MAP7D2: variants seen among roughly 807,000 people sequenced by gnomAD.
The protein encoded by MAP7D2 is MAP7 domain containing 2, also known as MAP7 domain-containing protein 2.
A neutral mutation model predicts 63.5 loss-of-function variants in MAP7D2; 33 were observed. The ratio of observed to expected loss-of-function variants is 0.52; its 90% CI spans 0.39 to 0.70. The LOEUF is 0.70. Among genes scored for constraint, MAP7D2 ranks in the 30% least tolerant of loss-of-function variants. The pLI, the probability that MAP7D2 is intolerant of heterozygous loss-of-function variation, is 0.00. For missense variants in MAP7D2, 626 were observed against 604.0 expected, an observed-to-expected ratio of 1.04 and a Z score of -0.38; for synonymous variants, 224 against 223.7, an observed-to-expected ratio of 1.00 and a Z score of -0.01.
chrX:20,036,903 C>CA (rs59036515), intron 8 of MAP7D2, among the ~76,000 whole-genome samples: 537 of 28,826 alleles, frequency 0.019, 7 homozygotes, highest in Non-Finnish European at 0.028. Flanking sequence ...GACTCCATCT[C>CA]AAAAAAAAAA....
intron 1 of MAP7D2, among the ~76,000 whole-genome samples, chrX:20,071,484 T>C (rs1362740496): frequency 2.7e-5 from 3 of 112,477 alleles, no homozygotes; most frequent in Non-Finnish European, 5.6e-5. Flanking sequence ...CTGCTGGACA[T>C]CACCTCCAGA....
chrX:20,106,561 T>C (rs187758291), intron 1 of MAP7D2, among the ~76,000 whole-genome samples: 32 of 112,148 alleles, frequency 2.9e-4, no homozygotes, highest in African/African-American at 1.0e-3. Flanking sequence ...CAAAACTCCC[T>C]GCGTGATGGA....
At chrX:20,029,296 A>G (rs943415806) in intron 8 of MAP7D2, among the ~76,000 whole-genome samples, 1 of 112,508 alleles carries the variant, frequency 8.9e-6, no homozygotes, top group African/African-American at 3.2e-5. Context: ...CTCAGCAGCC[A>G]TAGCCAGCAT....
At chrX:20,074,382 C>G (rs922548328) in intron 1 of MAP7D2, among the ~76,000 whole-genome samples, 5 of 111,582 alleles carry the variant, frequency 4.5e-5, no homozygotes, top group African/African-American at 1.6e-4. Flanking sequence ...AATAATAAAG[C>G]CTGAAATCCA....
At chrX:20,079,865 A>G (rs2065734285) in intron 1 of MAP7D2, among the ~76,000 whole-genome samples, 1 of 111,068 alleles carries the variant, frequency 9.0e-6, no homozygotes, top group African/African-American at 3.3e-5. Flanking sequence ...ACCCCATAAA[A>G]CTACTCCAGG....
chrX:20,098,792 G>A, intron 1 of MAP7D2, among the ~76,000 whole-genome samples: 1 of 112,388 alleles, frequency 8.9e-6, no homozygotes, highest in Non-Finnish European at 1.9e-5. Flanking sequence ...CAAATCCCAG[G>A]GGGACAGTTC....
chrX:20,012,428 G>C lies in MAP7D2; in HGVS notation c.1993C>G (p.Leu665Val), dbSNP rs781134678. Residue 665 changes from leucine (L) to valine (V), a missense_variant, in exon 15 of 17, where the codon CTC becomes GTC. By Grantham distance (32) the Leu-to-Val change is conservative (BLOSUM62 1). Coordinates refer to ENST00000379643, the MANE Select transcript of MAP7D2 (RefSeq NM_001168465.2). The stretch of plus-strand genomic sequence containing the variant: ...CCATCAAGGGCATCCAGATGAATGA[G>C]TCCCCCAGCTGGCTTAAGCCCATTA... ...FSNGLKPAGG[L>V]IHLDALDGKS... is the part of the protein sequence containing the mutation. 2 of 1,209,026 alleles carry C rather than the reference G, an allele frequency of 1.7e-6. No individual in the cohort carries two copies. Among genetic ancestry groups the C allele is most frequent in the Non-Finnish European group, 2.2e-6 (2 of 893,457 alleles).
Position 20,013,034 on chromosome X carries a change from G to T in MAP7D2, c.1885+20C>A. 1 of 1,185,917 alleles carries T rather than the reference G, an allele frequency of 8.4e-7. No individual in the cohort carries two copies. Among genetic ancestry groups the T allele is most frequent in the Middle Eastern group, 2.3e-4 (1 of 4,302 alleles). On this transcript the variant is annotated intron_variant, in intron 14 of 16. Coordinates refer to ENST00000379643, the MANE Select transcript of MAP7D2 (RefSeq NM_001168465.2). ...TTTGCTACTAAAAGGAAGAACCCAAGAACCAGATGTCACACTCACCCATTT... is the reference window on the plus strand; with the variant it reads ...TTTGCTACTAAAAGGAAGAACCCAATAACCAGATGTCACACTCACCCATTT...
At chrX:20,095,818 G>T (rs904342317) in intron 1 of MAP7D2, among the ~76,000 whole-genome samples, 1 of 110,693 alleles carries the variant, frequency 9.0e-6, no homozygotes, top group Non-Finnish European at 1.9e-5. Flanking sequence ...AGAGGCTCAC[G>T]CCTGTAATCT....
At chrX:20,073,738 G>A (rs2065568487) in intron 1 of MAP7D2, among the ~76,000 whole-genome samples, 1 of 106,448 alleles carries the variant, frequency 9.4e-6, no homozygotes, top group Admixed American at 9.9e-5. Flanking sequence ...GTGTTAGCCA[G>A]GATAGTCTCG....
intron 9 of MAP7D2, 85 bp downstream of exon 9, chrX:20,025,596 C>G: frequency 9.0e-7 from 1 of 1,116,312 alleles, no homozygotes; most frequent in Non-Finnish European, 1.2e-6. Context: ...ATCCCTTTCC[C>G]TCCCCAAAAC....
chrX:20,017,963 CTCTT>C (rs1251264548), intron 10 of MAP7D2, among the ~76,000 whole-genome samples: 1 of 90,881 alleles, frequency 1.1e-5, no homozygotes, highest in African/African-American at 5.2e-5. Context: ...AAAATCCATT[CTCTT>C]TTTTTTTTTT....
chrX:20,039,414 G>C lies in MAP7D2; in HGVS notation c.1007+3088C>G, dbSNP rs897840236. 5.4e-5 allele frequency among the ~76,000 whole-genome samples: 6 copies of C among 112,109 alleles called. No individual in the cohort carries two copies. The Admixed American group carries it at 5.7e-4, about 11-fold the overall frequency. On this transcript the variant is annotated intron_variant, in intron 8 of 16. Coordinates refer to ENST00000379643, the MANE Select transcript of MAP7D2 (RefSeq NM_001168465.2). ...TTTATGTAATAGCATTTGGGTTGGG[G>C]ATTGGTATGCTTCCAGTTGTAGGAA...
intron 1 of MAP7D2, among the ~76,000 whole-genome samples, chrX:20,096,146 G>A (rs1357529763): frequency 7.7e-5 from 8 of 104,253 alleles, no homozygotes; most frequent in Non-Finnish European, 1.4e-4. Context: ...AAGAAATTCT[G>A]GCTGGGTGCA....
intron 3 of MAP7D2, among the ~76,000 whole-genome samples, chrX:20,061,896 G>C (rs1395076068): frequency 8.9e-6 from 1 of 112,312 alleles, no homozygotes; most frequent in East Asian, 2.8e-4. Context: ...AGAGATCATG[G>C]AAGAAGAGGA....
chrX:20,042,620 C>A lies in MAP7D2; in HGVS notation c.889G>T (p.Val297Leu). 1 of 1,211,601 alleles carries A rather than the reference C, an allele frequency of 8.3e-7. No individual in the cohort carries two copies. The highest frequency in any genetic ancestry group is 1.1e-6 in the Non-Finnish European group (1 of 895,414). The stretch of plus-strand genomic sequence containing the variant: ...GTTGCTGTTCGTTGCCCCCGCTTCA[C>A]CTTCTCCACCTGTAGGGGACACAGG... Reference protein sequence around the residue: ...SGGEASLVEKVKRGQRTATSL... With the variant: ...SGGEASLVEKLKRGQRTATSL... The change falls in exon 8 of 17, where the codon GTG becomes TTG. Residue 297 changes from valine to leucine, a missense_variant. Transcript: ENST00000379643.
At chrX:20,030,971 A>T (rs1325851998) in intron 8 of MAP7D2, among the ~76,000 whole-genome samples, 2 of 112,174 alleles carry the variant, frequency 1.8e-5, no homozygotes, top group African/African-American at 6.5e-5. Flanking sequence ...GGCAGTCCTC[A>T]AGACGACTAG....
At position 20,116,787 on chromosome X, in the gene MAP7D2, G is replaced by A. The variant is rs1283899698; in HGVS notation, c.93C>T (p.Gly31=). 1.7e-6 allele frequency: 2 copies of A among 1,188,637 alleles called. No individual in the cohort carries two copies. The highest frequency in any genetic ancestry group is 2.3e-6 in the Non-Finnish European group (2 of 885,660). The part of the protein sequence containing the change: ...TSLPGKIAEP[G]AVRTSQPNYR... ...AGTTGGGCTGAGAGGTCCGCACCGC[G>A]CCCGGTTCTGCGATCTTCCCTGGGA... The change falls in exon 1 of 17, where the codon GGC becomes GGT. Residue 31 remains glycine (G), a synonymous_variant. Transcript: ENST00000379643.
chrX:20,056,238 C>T (rs2065066380), intron 4 of MAP7D2, among the ~76,000 whole-genome samples: 1 of 111,943 alleles, frequency 8.9e-6, no homozygotes, highest in East Asian at 2.8e-4. Context: ...GTCGAAAAAG[C>T]AACAAAAATT....
Sources: gnomAD v4.1 joint callset for allele counts (sites outside exome capture counted in the v4.1 genomes callset) on GRCh38, gnomAD v4.1.1 for gene constraint, MANE v1.5 for transcripts, NCBI Gene and HGNC (gene_info 2026-07-23, HGNC 2026-07-21) for gene names.